The following MYO16 variants were observed in gnomAD, a reference collection of about 807,000 sequenced individuals.
MYO16 encodes the protein unconventional myosin-XVI.
Under a neutral mutation model 205.3 loss-of-function variants are expected in MYO16, and 94 were observed. That is an observed-to-expected ratio of 0.46 (90% CI 0.39 to 0.54). The LOEUF is 0.54. Ranked by LOEUF, MYO16 falls within the 20% of genes least tolerant of loss-of-function variation. MYO16 has a pLI of 0.00. For missense variants in MYO16, 2,315 were observed against 2,387.5 expected, an observed-to-expected ratio of 0.97 and a Z score of 0.63; for synonymous variants, 988 against 954.0, an observed-to-expected ratio of 1.04 and a Z score of -0.66.
chr13:108,781,772 C>T (rs142976759), intron 4 of MYO16, among the ~76,000 whole-genome samples: 51 of 152,192 alleles, frequency 3.4e-4, no homozygotes, highest in Non-Finnish European at 5.4e-4. Flanking sequence ...TCCTGGGGGC[C>T]GGTCTTTCCT....
chr13:109,171,339 A>C (rs1878915539), intron 33 of MYO16, among the ~76,000 whole-genome samples: 1 of 152,246 alleles, frequency 6.6e-6, no homozygotes, highest in South Asian at 2.1e-4. Context: ...AAGTGCAGCC[A>C]ATGCACTTTC....
the MYO16 span, among the ~76,000 whole-genome samples, chr13:108,536,814 G>C: frequency 1.3e-5 from 2 of 152,042 alleles, no homozygotes; most frequent in African/African-American, 4.8e-5. Flanking sequence ...TTATAAAAAT[G>C]GAGGAAGTAA....
chr13:108,821,252 A>G (rs1875956117), intron 8 of MYO16, among the ~76,000 whole-genome samples: 1 of 152,136 alleles, frequency 6.6e-6, no homozygotes, highest in African/African-American at 2.4e-5. Context: ...AATTTCTAAT[A>G]AATCTCCAGT....
intron 4 of MYO16, among the ~76,000 whole-genome samples, chr13:108,763,441 TG>T (rs1566593021): frequency 1.3e-5 from 2 of 152,338 alleles, no homozygotes; most frequent in Admixed American, 1.3e-4. Flanking sequence ...GTTCCGTCCT[TG>T]CAAGAACACT....
intron 23 of MYO16, among the ~76,000 whole-genome samples, chr13:109,045,515 C>G (rs1887012199): frequency 2.0e-5 from 3 of 152,106 alleles, no homozygotes; most frequent in South Asian, 4.1e-4. Context: ...TTTACTTGTA[C>G]CTGAAAGTAG....
chr13:108,517,865 G>A, the MYO16 span, among the ~76,000 whole-genome samples: 1 of 152,280 alleles, frequency 6.6e-6, no homozygotes, highest in East Asian at 1.9e-4. Flanking sequence ...GTCTGGTGGG[G>A]GCTCTCTGCT....
intron 23 of MYO16, among the ~76,000 whole-genome samples, chr13:109,044,522 T>G (rs1337329039): frequency 5.9e-5 from 9 of 151,968 alleles, no homozygotes; most frequent in African/African-American, 2.2e-4. Context: ...AAGTGAAAAA[T>G]GAATCACTGA....
At chr13:109,156,230 TG>T (rs1329344020) in intron 32 of MYO16, among the ~76,000 whole-genome samples, 1 of 152,204 alleles carries the variant, frequency 6.6e-6, no homozygotes, top group Non-Finnish European at 1.5e-5. Context: ...GCACCATCTA[TG>T]TGTATCTGCA....
chr13:108,954,834 T>TA (rs759425555), intron 16 of MYO16, among the ~76,000 whole-genome samples: 9 of 152,166 alleles, frequency 5.9e-5, no homozygotes, highest in Non-Finnish European at 1.3e-4. Flanking sequence ...TTCTTACTGA[T>TA]ATCATTGTCC....
intron 2 of MYO16, among the ~76,000 whole-genome samples, chr13:108,681,088 A>C (rs1882442142): frequency 6.6e-6 from 1 of 152,252 alleles, no homozygotes; most frequent in Non-Finnish European, 1.5e-5. Context: ...CCATGCAAGC[A>C]TGTAAAACCA....
chr13:108,936,152 C>G (rs1473499632), intron 16 of MYO16, among the ~76,000 whole-genome samples: 1 of 140,490 alleles, frequency 7.1e-6, no homozygotes, highest in Non-Finnish European at 1.6e-5. Flanking sequence ...TTCCTTCTTT[C>G]CTTCCTTTCT....
At chr13:108,819,330 C>T (rs1256779298) in intron 7 of MYO16, among the ~76,000 whole-genome samples, 3 of 152,096 alleles carry the variant, frequency 2.0e-5, no homozygotes, top group Non-Finnish European at 2.9e-5. Flanking sequence ...TCAAAAATTT[C>T]GCGGTAAGCC....
chr13:108,917,415 C>G (rs1416214781), intron 16 of MYO16, among the ~76,000 whole-genome samples: 1 of 152,226 alleles, frequency 6.6e-6, no homozygotes, highest in Non-Finnish European at 1.5e-5. Flanking sequence ...GGCACTCCAA[C>G]TACCTGAAAG....
At chr13:108,615,119 C>T (rs1879305103) in intron 1 of MYO16, among the ~76,000 whole-genome samples, 1 of 151,864 alleles carries the variant, frequency 6.6e-6, no homozygotes, top group Admixed American at 6.6e-5. Context: ...AATAAAAAGA[C>T]AACCCAATAA....
chr13:108,814,847 A>G (rs1328550607), intron 7 of MYO16, among the ~76,000 whole-genome samples: 1 of 152,222 alleles, frequency 6.6e-6, no homozygotes, highest in Non-Finnish European at 1.5e-5. Context: ...AGCATGAATG[A>G]AAAATGCCAC....
rs755366959 is a variant in MYO16 at position 108,910,148 on chromosome 13, C to T, written c.1923C>T (p.His641=). 2.5e-6 allele frequency: 4 copies of T among 1,611,226 alleles called. No homozygotes were observed. Among genetic ancestry groups the T allele is most frequent in the South Asian group, 1.1e-5 (1 of 90,818 alleles). ...TTCATCTTAATAATTTATGTGCACA[C>T]CGGTGAGTGACTAAGTATTTTGTAT... The part of the protein sequence containing the change: ...YGLHLNNLCA[H]RYLNQTIQDD... The change falls in exon 16 of 35, where the codon CAC becomes CAT. Residue 641 remains histidine, a splice_region_variant and synonymous_variant. Transcript: ENST00000457511.
intron 10 of MYO16, among the ~76,000 whole-genome samples, chr13:108,849,616 CTTTTGTGTGTGTGTGT>C (rs1280860369): frequency 1.3e-4 from 10 of 77,820 alleles, no homozygotes; most frequent in Admixed American, 6.4e-4. Context: ...TGAATTTCCT[CTTTTGTGTGTGTGTGT>C]GTGTGTGTGT....
At chr13:109,038,335 G>A (rs1455175456) in intron 23 of MYO16, among the ~76,000 whole-genome samples, 2 of 152,066 alleles carry the variant, frequency 1.3e-5, no homozygotes, top group Admixed American at 6.6e-5. Context: ...CAAGTGGGTG[G>A]GTGGGCACCA....
intron 4 of MYO16, among the ~76,000 whole-genome samples, chr13:108,751,550 C>T (rs1467455910): frequency 1.3e-5 from 2 of 152,146 alleles, no homozygotes; most frequent in Non-Finnish European, 2.9e-5. Context: ...TAAACCCCCA[C>T]TCCTGAAATT....
Sources: allele counts gnomAD v4.1 joint callset (sites outside exome capture counted in the v4.1 genomes callset), GRCh38; gene constraint gnomAD v4.1.1; transcripts MANE v1.5; gene names NCBI Gene and HGNC (gene_info 2026-07-23, HGNC 2026-07-21).